The following MAST3 variants were observed in gnomAD, a reference collection of about 807,000 sequenced individuals.
MAST3 encodes the protein microtubule associated serine/threonine kinase 3, also known as microtubule-associated serine/threonine-protein kinase 3.
In MAST3, 43 loss-of-function variants were observed where a neutral mutation model predicts 127.0. That is an observed-to-expected ratio of 0.34 (90% CI 0.27 to 0.44). MAST3 has a LOEUF of 0.44. Ranked by LOEUF, MAST3 falls within the 20% of genes least tolerant of loss-of-function variation. The pLI, the probability that MAST3 is intolerant of heterozygous loss-of-function variation, is 1.00. For missense variants in MAST3, 1,390 were observed against 1,919.1 expected (o/e 0.72, Z 5.15); for synonymous variants, 785 against 809.2 (o/e 0.97, Z 0.51).
At position 18,144,561 on chromosome 19, in the gene MAST3, C is replaced by T. The variant is rs1449938163; in HGVS notation, c.2680C>T (p.Arg894Cys). The change falls in exon 23 of 28, where the codon CGC becomes TGC. Residue 894 changes from arginine (R) to cysteine (C), a missense_variant. Coordinates refer to ENST00000687212, the MANE Select transcript of MAST3 (RefSeq NM_001393504.1). This position sits in a 1 kb window ranked among gnomAD's most constrained non-coding sequence, Gnocchi z 4.0. ...PRPLDAGRGR[R>C]LGGPRDPAPE... is the part of the protein sequence containing the mutation. ...GCCTCTGGATGCCGGCCGGGGCCGC[C>T]GCCTTGGGGGCCCAAGAGACCCAGC... 1.7e-5 allele frequency: 28 copies of T among 1,609,774 alleles called. No individual in the cohort carries two copies. The highest frequency in any genetic ancestry group is 8.9e-5 in the East Asian group (4 of 44,862).
chr19:18,128,785 C>T (rs2040939834), intron 12 of MAST3, 81 bp from the exon 13 acceptor site: 1 of 1,099,692 alleles, frequency 9.1e-7, no homozygotes, highest in Admixed American at 1.8e-5. Flanking sequence ...GGCACCAGGA[C>T]CAGTGGTTTG....
chr19:18,118,040 C>G (rs1364774967), intron 3 of MAST3: 8 of 897,430 alleles, frequency 8.9e-6, no homozygotes, highest in African/African-American at 1.8e-5. Context: ...TCTCGCCGCC[C>G]CCCCATCCCC....
At chr19:18,140,289 T>C (rs867596790) in intron 20 of MAST3, among the ~76,000 whole-genome samples, 1 of 6,294 alleles carries the variant, frequency 1.6e-4, no homozygotes, top group African/African-American at 7.6e-4. Flanking sequence ...GAGGCAAGAG[T>C]ATTGCCTGAA....
intron 1 of MAST3, among the ~76,000 whole-genome samples, chr19:18,102,244 G>A (rs535178224): frequency 1.3e-5 from 2 of 150,474 alleles, no homozygotes; most frequent in African/African-American, 4.9e-5. Context: ...GCAATGGCAC[G>A]ATCTCGGCTC....
At chr19:18,124,981 C>T (rs976941431) in intron 11 of MAST3, among the ~76,000 whole-genome samples, 1 of 150,344 alleles carries the variant, frequency 6.7e-6, no homozygotes, top group African/African-American at 2.4e-5. Flanking sequence ...GTGGCGCATG[C>T]CTGTAATCCC....
chr19:18,129,368 G>T, intron 13 of MAST3: 1 of 174,108 alleles, frequency 5.7e-6, no homozygotes, highest in Non-Finnish European at 1.2e-5. Context: ...AGGCCGGCAA[G>T]GGAACTCCCC....
chr19:18,121,098 C>T (rs781220644), intron 3 of MAST3, among the ~76,000 whole-genome samples: 4 of 151,898 alleles, frequency 2.6e-5, no homozygotes, highest in South Asian at 2.1e-4. Context: ...TCAGGTGATC[C>T]GCATGCCTCG....
chr19:18,103,739 G>A (rs551497191), intron 1 of MAST3, among the ~76,000 whole-genome samples: 2 of 152,278 alleles, frequency 1.3e-5, no homozygotes, highest in African/African-American at 4.8e-5. Flanking sequence ...AGAAAACTGA[G>A]GCACAGAGGG....
At chr19:18,119,521 C>T (rs2039701360) in intron 3 of MAST3, among the ~76,000 whole-genome samples, 2 of 152,204 alleles carry the variant, frequency 1.3e-5, no homozygotes, top group South Asian at 4.1e-4. Flanking sequence ...AAAATGGGCT[C>T]AGCTGGTCAT....
At position 18,124,101 on chromosome 19, in the gene MAST3, C is replaced by T. The variant is rs763402548; in HGVS notation, c.796C>T (p.Arg266Cys). The T allele has an allele frequency of 1.1e-5, 18 of 1,611,562 alleles. No homozygotes were observed. The highest frequency in any genetic ancestry group is 4.5e-5 in the East Asian group (2 of 44,762). The change falls in exon 9 of 28, where the codon CGC becomes TGC. Residue 266 changes from arginine (R) to cysteine (C), a missense_variant. Physicochemically the swap from Arg to Cys is radical, Grantham distance 180. Coordinates refer to ENST00000687212, the MANE Select transcript of MAST3 (RefSeq NM_001393504.1). Reference protein sequence around the residue: ...AKSGENLVTSRYFLEMQEKLE... With the variant: ...AKSGENLVTSCYFLEMQEKLE... Reference sequence around the variant, plus strand: ...GTCTGGCGAGAACCTCGTCACCTCCCGCTACTTCCTAGAGATGCAGGAGAA... The same window carrying T: ...GTCTGGCGAGAACCTCGTCACCTCCTGCTACTTCCTAGAGATGCAGGAGAA...
Position 18,124,115 on chromosome 19 carries a change from G to A in MAST3, c.810G>A (p.Glu270=), listed in dbSNP as rs757636276. The A allele has an allele frequency of 6.2e-7, 1 of 1,611,856 alleles. No homozygotes were observed. The highest frequency in any genetic ancestry group is 2.2e-5 in the East Asian group (1 of 44,798). The change falls in exon 9 of 28, where the codon GAG becomes GAA. Residue 270 remains glutamate, a synonymous_variant. Transcript: ENST00000687212. ...TCGTCACCTCCCGCTACTTCCTAGAGATGCAGGAGAAGCTGGAGCGGCTTC... is the reference window on the plus strand; with the variant it reads ...TCGTCACCTCCCGCTACTTCCTAGAAATGCAGGAGAAGCTGGAGCGGCTTC... ...ENLVTSRYFL[E]MQEKLERLLQ... is the part of the protein sequence containing the mutation.
At chr19:18,103,875 A>T (rs901619221) in intron 1 of MAST3, among the ~76,000 whole-genome samples, 1 of 151,904 alleles carries the variant, frequency 6.6e-6, no homozygotes, top group African/African-American at 2.4e-5. Flanking sequence ...CAGGGTTCAA[A>T]TCCCTCCCTG....
intron 1 of MAST3, chr19:18,098,771 G>A (rs1469147401): frequency 8.8e-6 from 4 of 456,686 alleles, no homozygotes; most frequent in Non-Finnish European, 1.3e-5. Flanking sequence ...AACATTTATG[G>A]AGCGCCTGCT....
In MAST3 at chr19:18,145,144, C is replaced by G; in HGVS notation, c.2954C>G (p.Ser985Cys). 1 of 1,613,972 alleles carries G rather than the reference C, an allele frequency of 6.2e-7. No individual in the cohort carries two copies. The highest frequency in any genetic ancestry group is 8.5e-7 in the Non-Finnish European group (1 of 1,179,888). ...SLRPPIVIHS[S>C]GKKYGFSLRA... ...CGGCCCCCCATCGTTATCCACAGCT[C>G]TGGCAAGAAGTACGGCTTCAGCCTG... is the stretch of plus-strand genomic sequence containing the variant. The change falls in exon 24 of 28, where the codon TCT becomes TGT. Residue 985 changes from serine to cysteine, a missense_variant. Ser to Cys is a moderately radical substitution (Grantham distance 112). This residue lies in a region of MAST3 where 816 missense variants were observed against 934.1 expected (regional missense o/e 0.87). Transcript: ENST00000687212. This position sits in a 1 kb window ranked among gnomAD's most constrained non-coding sequence, Gnocchi z 5.9.
chr19:18,124,803 G>A (rs1388339482), intron 11 of MAST3, 29 bp downstream of exon 11: 2 of 1,561,176 alleles, frequency 1.3e-6, no homozygotes, highest in African/African-American at 2.7e-5. Flanking sequence ...AGGAAACCAA[G>A]GCTGGGAAAG....
chr19:18,143,106 T>G (rs1412477039), intron 21 of MAST3, among the ~76,000 whole-genome samples: 1 of 61,690 alleles, frequency 1.6e-5, no homozygotes, highest in Non-Finnish European at 3.0e-5. Context: ...AGCGAGACTC[T>G]GTCTCAAAAA....
chr19:18,131,689 C>A (rs2041306191), intron 14 of MAST3, among the ~76,000 whole-genome samples: 1 of 151,862 alleles, frequency 6.6e-6, no homozygotes, highest in African/African-American at 2.4e-5. Context: ...CAGAGCGAGA[C>A]TCTCTCTCAA....
chr19:18,105,903 A>G (rs58049250), intron 1 of MAST3, among the ~76,000 whole-genome samples: 56,334 of 151,848 alleles, frequency 0.37, 10,829 homozygotes, highest in Admixed American at 0.42. Context: ...CCAAACCTGC[A>G]TAGGCTTTGC....
chr19:18,110,484 T>TC lies in MAST3; in HGVS notation c.72-165dup. On this transcript the variant is annotated intron_variant, in intron 2 of 27. Transcript: ENST00000687212. The surrounding 1 kb of genome is among the most constrained non-coding windows in gnomAD (Gnocchi z 4.3). Reference sequence around the variant, plus strand: ...ACGCACCGCCGCCTCCGGGGAGCCCTCCCGGGCCATCGGTCTGGCCCCGCC... The same window carrying TC: ...ACGCACCGCCGCCTCCGGGGAGCCCTCCCCGGGCCATCGGTCTGGCCCCGCC... 1.1e-6 allele frequency: 1 copy of TC among 935,448 alleles called. No individual in the cohort carries two copies. The highest frequency in any genetic ancestry group is 1.3e-6 in the Non-Finnish European group (1 of 784,066). The allele number at this position is 935,448 out of a possible 1,614,324, so 57.9% of individuals were successfully genotyped here.
Sources: gnomAD v4.1 joint callset for allele counts (sites outside exome capture counted in the v4.1 genomes callset) on GRCh38, gnomAD v4.1.1 for gene constraint, gnomAD v4.1.1 regional missense constraint, Gnocchi (gnomAD v3.1) non-coding constraint, MANE v1.5 for transcripts, NCBI Gene and HGNC (gene_info 2026-07-23, HGNC 2026-07-21) for gene names.